GAB2: variants seen among roughly 807,000 people sequenced by gnomAD.
GAB2 encodes GRB2-associated-binding protein 2.
In GAB2, 26 loss-of-function variants were observed where a neutral mutation model predicts 65.5. That is an observed-to-expected ratio of 0.40 (90% CI 0.29 to 0.55). The LOEUF is 0.55. Ranked by LOEUF, GAB2 falls within the 20% of genes least tolerant of loss-of-function variation. The pLI, the probability that GAB2 is intolerant of heterozygous loss-of-function variation, is 0.53. For missense variants in GAB2, 884 were observed against 875.8 expected (o/e 1.01, Z -0.12); for synonymous variants, 321 against 329.6 (o/e 0.97, Z 0.28).
chr11:78,380,164 C>T (rs1856679579), intron 1 of GAB2, among the ~76,000 whole-genome samples: 1 of 152,152 alleles, frequency 6.6e-6, no homozygotes, highest in African/African-American at 2.4e-5. Context: ...GGTATTTATT[C>T]CCCTGCTTAG....
chr11:78,303,141 T>C (rs977782754), intron 1 of GAB2, among the ~76,000 whole-genome samples: 1 of 152,154 alleles, frequency 6.6e-6, no homozygotes, highest in Non-Finnish European at 1.5e-5. Context: ...AAATCACCAC[T>C]AAAGAACTTA....
intron 2 of GAB2, among the ~76,000 whole-genome samples, chr11:78,263,494 A>T (rs373243368): frequency 6.6e-6 from 1 of 152,024 alleles, no homozygotes; most frequent in Non-Finnish European, 1.5e-5. Context: ...TTAGCTGGGC[A>T]TGGTGGTGGG....
intron 1 of GAB2, among the ~76,000 whole-genome samples, chr11:78,390,451 T>C (rs1856820560): frequency 6.6e-6 from 1 of 152,154 alleles, no homozygotes; most frequent in African/African-American, 2.4e-5. Context: ...TAGCTGAGTA[T>C]GGTGGCAGGT....
chr11:78,303,663 G>A (rs1232585121), intron 1 of GAB2, among the ~76,000 whole-genome samples: 1 of 152,022 alleles, frequency 6.6e-6, no homozygotes, highest in East Asian at 1.9e-4. Flanking sequence ...ATTTCCATAC[G>A]GATTTTAGAA....
At chr11:78,263,960 G>A (rs1195931634) in intron 2 of GAB2, among the ~76,000 whole-genome samples, 1 of 150,562 alleles carries the variant, frequency 6.6e-6, no homozygotes, top group African/African-American at 2.5e-5. Flanking sequence ...TAACTTCTGG[G>A]TATATTTTTC....
At chr11:78,367,761 A>G (rs111538491) in intron 1 of GAB2, among the ~76,000 whole-genome samples, 116 of 151,710 alleles carry the variant, frequency 7.6e-4, no homozygotes, top group Non-Finnish European at 1.4e-3. Context: ...AGGTGAGAGC[A>G]TTTAGCCTGA....
At chr11:78,323,379 G>A (rs59539095) in intron 1 of GAB2, among the ~76,000 whole-genome samples, 8,245 of 151,926 alleles carry the variant, frequency 0.054, 686 homozygotes, top group African/African-American at 0.19. Context: ...GCATGGTGAC[G>A]TGTGCCTGTA....
At chr11:78,327,873 T>C (rs1000788303) in intron 1 of GAB2, among the ~76,000 whole-genome samples, 9 of 152,238 alleles carry the variant, frequency 5.9e-5, no homozygotes, top group African/African-American at 2.2e-4. Context: ...AATACCTTAC[T>C]AGATTGAATT....
Position 78,309,971 on chromosome 11 carries a change from T to TGC in GAB2, c.76-29072_76-29071dup, listed in dbSNP as rs1330078501. 1.8e-3 allele frequency among the ~76,000 whole-genome samples: 216 copies of TGC among 120,172 alleles called. 2 individuals carry two copies. Among genetic ancestry groups the TGC allele is most frequent in the East Asian group, 8.6e-3 (37 of 4,312 alleles). 78.8% of individuals were successfully genotyped at this position (120,172 alleles called of 152,430 possible). On this transcript the variant is annotated intron_variant, in intron 1 of 9. Coordinates refer to ENST00000361507, the MANE Select transcript of GAB2 (RefSeq NM_080491.3). Reference sequence around the variant, plus strand: ...GTGTGTGTGTGTGTGTGTGTGTGTGTGCGCGCGCGCCTGTGTGTGTGGTGG... The same window carrying TGC: ...GTGTGTGTGTGTGTGTGTGTGTGTGTGCGCGCGCGCGCCTGTGTGTGTGGTGG...
In GAB2 at chr11:78,220,456, A is replaced by G; in HGVS notation, c.1762-12T>C. 6.4e-7 allele frequency: 1 copy of G among 1,557,644 alleles called. No individual in the cohort carries two copies. Among genetic ancestry groups the G allele is most frequent in the Non-Finnish European group, 8.7e-7 (1 of 1,145,382 alleles). Reference sequence around the variant, plus strand: ...GACACTGGGTTTTGCTGTCACGAGGAGGAAAAAACTGTGAGTGACTGCAGA... The same window carrying G: ...GACACTGGGTTTTGCTGTCACGAGGGGGAAAAAACTGTGAGTGACTGCAGA... On this transcript the variant is annotated splice_polypyrimidine_tract_variant and intron_variant, in intron 8 of 9. Transcript: ENST00000361507.
chr11:78,392,524 T>C (rs1185688174), intron 1 of GAB2: 4 of 152,242 alleles, frequency 2.6e-5, no homozygotes, highest in Admixed American at 1.3e-4. Flanking sequence ...TTTTTGCCTC[T>C]TTCTCTTGAT....
intron 1 of GAB2, among the ~76,000 whole-genome samples, chr11:78,365,548 G>A (rs1856485254): frequency 6.6e-6 from 1 of 152,180 alleles, no homozygotes; most frequent in Admixed American, 6.5e-5. Flanking sequence ...AAGCCCTAAG[G>A]AGGAAGACAG....
At chr11:78,294,017 G>A (rs1866752680) in intron 1 of GAB2, among the ~76,000 whole-genome samples, 1 of 152,188 alleles carries the variant, frequency 6.6e-6, no homozygotes, top group Non-Finnish European at 1.5e-5. Flanking sequence ...GCTGCACCCA[G>A]TAACTCCTCA....
chr11:78,232,243 G>C (rs1185919679), intron 3 of GAB2, among the ~76,000 whole-genome samples: 1 of 152,186 alleles, frequency 6.6e-6, no homozygotes, highest in African/African-American at 2.4e-5. Context: ...TCTTTCTATA[G>C]ACTACTGCTG....
intron 1 of GAB2, among the ~76,000 whole-genome samples, chr11:78,405,860 A>G (rs1374650567): frequency 6.6e-6 from 1 of 152,070 alleles, no homozygotes; most frequent in Admixed American, 6.6e-5. Context: ...TTCCCAAAGA[A>G]AGTCTGCTCT....
At chr11:78,354,823 C>G (rs1301100018) in intron 1 of GAB2, among the ~76,000 whole-genome samples, 1 of 152,164 alleles carries the variant, frequency 6.6e-6, no homozygotes, top group Non-Finnish European at 1.5e-5. Context: ...AGAACTGGGG[C>G]TAGTCTTTTC....
chr11:78,262,631 C>T (rs1360709199), intron 2 of GAB2, among the ~76,000 whole-genome samples: 4 of 152,120 alleles, frequency 2.6e-5, no homozygotes, highest in East Asian at 1.9e-4. Context: ...CCTCCAGTCC[C>T]GGGGGTCCCA....
At chr11:78,225,491 C>T (rs114369909) in intron 4 of GAB2, among the ~76,000 whole-genome samples, 6,674 of 152,294 alleles carry the variant, frequency 0.044, 459 homozygotes, top group African/African-American at 0.15. Flanking sequence ...CTGTCCTGCT[C>T]ACCCCAGCCA....
chr11:78,320,725 CTTTTTTTTT>C (rs72241707), intron 1 of GAB2, among the ~76,000 whole-genome samples: 6 of 102,498 alleles, frequency 5.9e-5, no homozygotes, highest in African/African-American at 1.9e-4. Context: ...TAATTTTTGC[CTTTTTTTTT>C]TTTTTTTTTT....
Sources: allele counts gnomAD v4.1 joint callset (sites outside exome capture counted in the v4.1 genomes callset), GRCh38; gene constraint gnomAD v4.1.1; transcripts MANE v1.5; gene names NCBI Gene and HGNC (gene_info 2026-07-23, HGNC 2026-07-21).